The following NT5DC1 variants were observed in gnomAD, a reference collection of about 807,000 sequenced individuals.
The protein encoded by NT5DC1 is 5'-nucleotidase domain containing 1.
Under a neutral mutation model 59.4 loss-of-function variants are expected in NT5DC1, and 42 were observed. The ratio of observed to expected loss-of-function variants is 0.71; its 90% CI spans 0.55 to 0.92. The LOEUF (loss-of-function observed/expected upper bound fraction) is 0.92. Ranked by LOEUF, NT5DC1 falls within the 40% of genes least tolerant of loss-of-function variation. The pLI, the probability that NT5DC1 is intolerant of heterozygous loss-of-function variation, is 0.00. For synonymous variants in NT5DC1, 172 were observed against 188.1 expected, an observed-to-expected ratio of 0.91 and a Z score of 0.70; for missense variants, 501 against 537.1, an observed-to-expected ratio of 0.93 and a Z score of 0.66.
At chr6:116,155,405 T>G (rs1780161843) in intron 6 of NT5DC1, among the ~76,000 whole-genome samples, 1 of 152,194 alleles carries the variant, frequency 6.6e-6, no homozygotes, top group Non-Finnish European at 1.5e-5. Context: ...ACATCTCTTT[T>G]GGAATTCAGT....
chr6:116,238,890 CAAAA>C, intron 10 of NT5DC1, 61 bp from the exon 11 acceptor site: 1 of 1,058,726 alleles, frequency 9.4e-7, no homozygotes, highest in Non-Finnish European at 1.4e-6. Context: ...ACTTAATAGA[CAAAA>C]AAATTATGAG....
intron 1 of NT5DC1, among the ~76,000 whole-genome samples, chr6:116,102,840 G>C (rs1351500340): frequency 6.6e-6 from 1 of 152,256 alleles, no homozygotes; most frequent in African/African-American, 2.4e-5. Flanking sequence ...TGAAGAGTTA[G>C]TCTTGGTCCC....
chr6:116,123,192 C>T (rs958243868), intron 6 of NT5DC1, among the ~76,000 whole-genome samples: 1 of 152,144 alleles, frequency 6.6e-6, no homozygotes, highest in Non-Finnish European at 1.5e-5. Context: ...ATCTGTTTTA[C>T]TATTAAAAAG....
chr6:116,108,486 T>C (rs1778808344), intron 3 of NT5DC1, 51 bp downstream of exon 3: 4 of 993,106 alleles, frequency 4.0e-6, no homozygotes, highest in Non-Finnish European at 6.5e-6. Flanking sequence ...TGAGACACTT[T>C]ATTACTGAGT....
intron 6 of NT5DC1, among the ~76,000 whole-genome samples, chr6:116,148,844 A>G (rs540112220): frequency 2.0e-5 from 3 of 152,302 alleles, no homozygotes; most frequent in Admixed American, 6.5e-5. Context: ...AAAGTAAAGC[A>G]TAACAGGGAA....
intron 7 of NT5DC1, among the ~76,000 whole-genome samples, 160 bp downstream of exon 7, chr6:116,221,388 G>A (rs1288646122): frequency 6.6e-6 from 1 of 152,140 alleles, no homozygotes; most frequent in African/African-American, 2.4e-5. Flanking sequence ...AATCTCTGCT[G>A]ACAGCAGCCC....
At chr6:116,216,561 G>A (rs1781690997) in intron 6 of NT5DC1, among the ~76,000 whole-genome samples, 1 of 151,784 alleles carries the variant, frequency 6.6e-6, no homozygotes, top group African/African-American at 2.4e-5. Flanking sequence ...TCATTTCCCA[G>A]CTTTTATTTG....
intron 6 of NT5DC1, among the ~76,000 whole-genome samples, chr6:116,157,564 G>C (rs1300562520): frequency 6.6e-6 from 1 of 152,228 alleles, no homozygotes. Context: ...GGGGGATCAA[G>C]TGTATGTGAA....
intron 8 of NT5DC1, among the ~76,000 whole-genome samples, chr6:116,232,781 C>T (rs576299954): frequency 7.6e-4 from 116 of 152,246 alleles, no homozygotes; most frequent in African/African-American, 2.7e-3. Flanking sequence ...GTTTTTTAAA[C>T]TCGTCTTGTC....
At chr6:116,112,201 T>C (rs1778891792) in intron 4 of NT5DC1, among the ~76,000 whole-genome samples, 1 of 152,204 alleles carries the variant, frequency 6.6e-6, no homozygotes, top group African/African-American at 2.4e-5. Context: ...TATCTGTACC[T>C]ACTTGGGTTA....
chr6:116,245,188 A>G lies in NT5DC1; in HGVS notation c.*1164A>G, dbSNP rs1354263004. ...GCCGTGTATGGTCATATTAGTAGCT[A>G]TTTGTTGCAAGATACTTGAAGCCAA... On this transcript the variant is annotated 3_prime_UTR_variant, in exon 12 of 12. Coordinates refer to ENST00000319550, the MANE Select transcript of NT5DC1 (RefSeq NM_152729.3). 6.6e-6 allele frequency: 1 copy of G among 152,148 alleles called. No homozygotes were observed. The highest frequency in any genetic ancestry group is 2.4e-5 in the African/African-American group (1 of 41,450). The allele number at this position is 152,148 out of a possible 1,614,324, so 9.4% of individuals were successfully genotyped here.
chr6:116,125,316 A>G, intron 6 of NT5DC1: 1 of 1,611,402 alleles, frequency 6.2e-7, no homozygotes, highest in Non-Finnish European at 8.5e-7. Flanking sequence ...TGTTAATAGA[A>G]CAAAATATAC....
intron 6 of NT5DC1, among the ~76,000 whole-genome samples, chr6:116,167,012 G>A (rs1306148493): frequency 6.6e-6 from 1 of 151,908 alleles, no homozygotes; most frequent in Non-Finnish European, 1.5e-5. Flanking sequence ...GCCTACTATA[G>A]GACTTATAAA....
At chr6:116,214,076 A>G (rs1452661192) in intron 6 of NT5DC1, among the ~76,000 whole-genome samples, 1 of 152,128 alleles carries the variant, frequency 6.6e-6, no homozygotes, top group Non-Finnish European at 1.5e-5. Context: ...ATTAAGAATT[A>G]AAATTTTTAA....
chr6:116,234,775 T>C (rs1207134400), intron 8 of NT5DC1, among the ~76,000 whole-genome samples: 1 of 152,250 alleles, frequency 6.6e-6, no homozygotes, highest in East Asian at 1.9e-4. Flanking sequence ...CTTGAAACTT[T>C]CCTGAGTTTG....
intron 6 of NT5DC1, among the ~76,000 whole-genome samples, chr6:116,169,505 A>G (rs1780559257): frequency 6.6e-6 from 1 of 152,216 alleles, no homozygotes; most frequent in African/African-American, 2.4e-5. Context: ...GAAAGACTAT[A>G]TGGTAGGAAA....
chr6:116,242,839 G>A (rs530640000), intron 11 of NT5DC1, among the ~76,000 whole-genome samples: 17 of 152,268 alleles, frequency 1.1e-4, no homozygotes, highest in Non-Finnish European at 1.9e-4. Context: ...TTCCTTTACA[G>A]TGGTCCTAGC....
At chr6:116,108,464 CT>C in intron 3 of NT5DC1, 29 bp downstream of exon 3, 1 of 1,296,318 alleles carries the variant, frequency 7.7e-7, no homozygotes, top group Non-Finnish European at 1.1e-6. Flanking sequence ...GAAGTCTAAA[CT>C]TTACCTTCTC....
At chr6:116,192,305 CAATA>C (rs1428658288) in intron 6 of NT5DC1, among the ~76,000 whole-genome samples, 1 of 151,840 alleles carries the variant, frequency 6.6e-6, no homozygotes, top group Non-Finnish European at 1.5e-5. Flanking sequence ...GAGGAGCTCT[CAATA>C]AATATCAGCA....
Sources: allele counts gnomAD v4.1 joint callset (sites outside exome capture counted in the v4.1 genomes callset), GRCh38; gene constraint gnomAD v4.1.1; transcripts MANE v1.5; gene names NCBI Gene and HGNC (gene_info 2026-07-23, HGNC 2026-07-21).